Variants in FANCM observed in about 807,000 individuals in gnomAD.
FANCM encodes FA complementation group M.
In FANCM, 140 loss-of-function variants were observed where a neutral mutation model predicts 199.5. That is an observed-to-expected ratio of 0.70 (90% CI 0.61 to 0.81). The LOEUF (loss-of-function observed/expected upper bound fraction) is 0.81. Ranked by LOEUF, FANCM falls within the 30% of genes least tolerant of loss-of-function variation. The pLI is 0.00. For missense variants in FANCM, 2,410 were observed against 2,421.4 expected (o/e 1.00, Z 0.10); for synonymous variants, 840 against 836.8 (o/e 1.00, Z -0.07).
At chr14:45,153,413 A>G (rs879793764) in intron 5 of FANCM, among the ~76,000 whole-genome samples, 2 of 152,212 alleles carry the variant, frequency 1.3e-5, no homozygotes, top group South Asian at 4.1e-4. Context: ...CAGGACGTAT[A>G]CTTGGTATTA....
At chr14:45,140,552 A>G (rs1303987532) in intron 2 of FANCM, 80 bp from the exon 3 acceptor site, 5 of 778,632 alleles carry the variant, frequency 6.4e-6, no homozygotes, top group South Asian at 2.7e-5. Flanking sequence ...ATAAGGGACC[A>G]TGTATAATAG....
chr14:45,193,480 T>C (rs1042991544), intron 20 of FANCM, among the ~76,000 whole-genome samples: 7 of 152,186 alleles, frequency 4.6e-5, no homozygotes, highest in Non-Finnish European at 1.0e-4. Context: ...GTCATGAAGA[T>C]TTTTCTTTAT....
intron 3 of FANCM, among the ~76,000 whole-genome samples, chr14:45,141,241 T>G (rs1885905022): frequency 7.3e-6 from 1 of 136,312 alleles, no homozygotes; most frequent in Admixed American, 8.2e-5. Flanking sequence ...TGAGCCAAGA[T>G]CTAGCCACTG....
intron 19 of FANCM, 41 bp from the exon 20 acceptor site, chr14:45,188,761 G>C: frequency 7.0e-7 from 1 of 1,422,166 alleles, no homozygotes; most frequent in Non-Finnish European, 9.9e-7. Context: ...CCTGTTAATT[G>C]TCTGAAATAA....
chr14:45,146,963 A>G (rs935438362), intron 3 of FANCM, among the ~76,000 whole-genome samples: 2 of 150,426 alleles, frequency 1.3e-5, no homozygotes, highest in Non-Finnish European at 3.0e-5. Context: ...TCTTTTGCGT[A>G]TTGATTATTT....
At chr14:45,164,327 A>G in intron 9 of FANCM, 32 bp from the exon 10 acceptor site, 2 of 1,508,892 alleles carry the variant, frequency 1.3e-6, no homozygotes, top group Non-Finnish European at 9.2e-7. Flanking sequence ...TTACATTTGC[A>G]TGTAGTTATT....
chr14:45,141,483 C>T lies in FANCM; in HGVS notation c.759+774C>T, dbSNP rs1405207460. On this transcript the variant is annotated intron_variant, in intron 3 of 22. Coordinates refer to ENST00000267430, the MANE Select transcript of FANCM (RefSeq NM_020937.4). ...GCAGGACTCCCCTCCCCTCCCCTCCCCTCCCCTTTCTCCTCTGTTCTCCTC... is the reference window on the plus strand; with the variant it reads ...GCAGGACTCCCCTCCCCTCCCCTCCTCTCCCCTTTCTCCTCTGTTCTCCTC... Among the ~76,000 whole-genome samples the T allele has an allele frequency of 4.6e-5, 6 of 129,968 alleles. 1 individual carries two copies. The East Asian group carries it at 1.4e-3, about 30-fold the overall frequency. 85.3% of individuals were successfully genotyped at this position (129,968 alleles called of 152,430 possible). A position where few individuals can be genotyped will look rare whatever the true frequency, so the allele number is the denominator to read the frequency against.
chr14:45,196,146 G>A, intron 20 of FANCM, 26 bp from the exon 21 acceptor site: 2 of 1,613,662 alleles, frequency 1.2e-6, no homozygotes, highest in Non-Finnish European at 1.7e-6. Context: ...TAACCTGAAT[G>A]TGACCAGTGT....
At chr14:45,138,683 T>C (rs978475269) in intron 2 of FANCM, among the ~76,000 whole-genome samples, 4 of 152,206 alleles carry the variant, frequency 2.6e-5, no homozygotes, top group African/African-American at 9.6e-5. Context: ...AAGATTTAGC[T>C]GGTAATTATT....
At chr14:45,161,954 T>C (rs1188504682) in intron 9 of FANCM, among the ~76,000 whole-genome samples, 3 of 152,118 alleles carry the variant, frequency 2.0e-5, no homozygotes, top group Non-Finnish European at 1.5e-5. Context: ...TGGATGTATT[T>C]TGCAGGTCAA....
At chr14:45,164,644 C>A in intron 10 of FANCM, 79 bp downstream of exon 10, 2 of 1,090,206 alleles carry the variant, frequency 1.8e-6, no homozygotes, top group Non-Finnish European at 1.4e-6. Context: ...AACATGTTAG[C>A]ATTCCAAGTC....
intron 2 of FANCM, among the ~76,000 whole-genome samples, chr14:45,139,143 G>A (rs950036128): frequency 5.3e-5 from 8 of 152,088 alleles, no homozygotes; most frequent in African/African-American, 1.9e-4. Context: ...TATATGTAAG[G>A]ACCATCACTT....
In FANCM at chr14:45,159,659, A is replaced by T. The variant is rs867389229; in HGVS notation, c.1581+379A>T. 7.9e-5 allele frequency among the ~76,000 whole-genome samples: 12 copies of T among 152,176 alleles called. No homozygotes were observed. The South Asian group carries it at 1.9e-3, about 24-fold the overall frequency. ...GATCTTATTGTAGAGCCACCAATAAATGTTTATTAAGTCGCTTTAATAATT... is the reference window on the plus strand; with the variant it reads ...GATCTTATTGTAGAGCCACCAATAATTGTTTATTAAGTCGCTTTAATAATT... On this transcript the variant is annotated intron_variant, in intron 9 of 22. Coordinates refer to ENST00000267430, the MANE Select transcript of FANCM (RefSeq NM_020937.4).
chr14:45,187,799 T>C lies in FANCM; in HGVS notation c.4691T>C (p.Ile1564Thr), dbSNP rs1889499436. ...QAINDSEMRAIYMKSLRSPMM... is the reference protein window; with the variant it reads ...QAINDSEMRATYMKSLRSPMM... ...TACACAGATTCTGAAATGAGAGCTA[T>C]TTACATGAAATCTTTGCGTAGTCCA... Residue 1564 changes from isoleucine (I) to threonine (T), a missense_variant, in exon 19 of 23, where the codon ATT (isoleucine) becomes ACT (threonine). Ile to Thr is a moderately conservative substitution (Grantham distance 89). Coordinates refer to ENST00000267430, the MANE Select transcript of FANCM (RefSeq NM_020937.4). 1.9e-6 allele frequency: 3 copies of C among 1,550,800 alleles called. No homozygotes were observed. In the Admixed American group the frequency reaches 5.0e-5, roughly 26 times the overall value.
At chr14:45,144,059 G>T (rs1332709806) in intron 3 of FANCM, among the ~76,000 whole-genome samples, 4 of 151,544 alleles carry the variant, frequency 2.6e-5, no homozygotes, top group Admixed American at 6.6e-5. Context: ...ATTTTTATGG[G>T]TACATAGTAG....
At chr14:45,154,900 T>C in intron 7 of FANCM, 78 bp downstream of exon 7, 1 of 1,049,144 alleles carries the variant, frequency 9.5e-7, no homozygotes, top group Non-Finnish European at 1.5e-6. Context: ...GCTCCTTTGA[T>C]GCAAATGTCT....
chr14:45,198,570 A>AT, intron 21 of FANCM, 74 bp from the exon 22 acceptor site: 1 of 848,116 alleles, frequency 1.2e-6, no homozygotes, highest in Non-Finnish European at 1.6e-6. Flanking sequence ...GGATTTTAAT[A>AT]AAATAAAGTA....
At chr14:45,158,755 G>A (rs771758968) in intron 8 of FANCM, among the ~76,000 whole-genome samples, 1 of 152,036 alleles carries the variant, frequency 6.6e-6, no homozygotes, top group Non-Finnish European at 1.5e-5. Flanking sequence ...GACAGCCAAT[G>A]GTAATAAGCT....
rs776733099 is a variant in FANCM, at chr14:45,164,425, T to C, written c.1648T>C (p.Leu550=). The C allele has an allele frequency of 1.9e-6, 3 of 1,613,552 alleles. No homozygotes were observed. In the African/African-American group the frequency reaches 4.0e-5, roughly 22 times the overall value. ...TTCTACCTGTGTGGGTGAAGAAGGT[T>C]TGGATATAGGAGAAGTTGATCTTAT... ...LVSTCVGEEG[L]DIGEVDLIIC... The change falls in exon 10 of 23, where the codon TTG becomes CTG. Residue 550 remains leucine (L), a synonymous_variant. Coordinates refer to ENST00000267430, the MANE Select transcript of FANCM (RefSeq NM_020937.4).
Sources: gnomAD v4.1 joint callset for allele counts (sites outside exome capture counted in the v4.1 genomes callset) on GRCh38, gnomAD v4.1.1 for gene constraint, MANE v1.5 for transcripts, NCBI Gene and HGNC (gene_info 2026-07-23, HGNC 2026-07-21) for gene names.